MCCC1: variants seen among roughly 807,000 people sequenced by gnomAD.
MCCC1 encodes the protein methylcrotonoyl-CoA carboxylase subunit alpha, mitochondrial.
In MCCC1, 64 loss-of-function variants were observed where a neutral mutation model predicts 83.8. The observed-to-expected ratio is 0.76, with a 90% CI of 0.62 to 0.94. MCCC1 has a LOEUF of 0.94. MCCC1 is among the 40% of genes least tolerant of loss of function. MCCC1 has a pLI of 0.00. For synonymous variants in MCCC1, 322 were observed against 315.4 expected (o/e 1.02, Z -0.22); for missense variants, 807 against 904.7 (o/e 0.89, Z 1.39).
Position 183,093,735 on chromosome 3 carries a change from G to A in MCCC1, c.136+824C>T, listed in dbSNP as rs1165864880. 2.6e-5 allele frequency among the ~76,000 whole-genome samples: 4 copies of A among 152,290 alleles called. No homozygotes were observed. In the East Asian group the frequency reaches 7.7e-4, roughly 29 times the overall value. On this transcript the variant is annotated intron_variant, in intron 2 of 18. Coordinates refer to ENST00000265594, the MANE Select transcript of MCCC1 (RefSeq NM_020166.5). Reference sequence around the variant, plus strand: ...TCTATGGAGCCCAAGAGTTGTCACAGGGGCTGATGGATGACATATGTATGA... The same window carrying A: ...TCTATGGAGCCCAAGAGTTGTCACAAGGGCTGATGGATGACATATGTATGA...
chr3:183,082,989 T>TAA (rs533770378), intron 4 of MCCC1, among the ~76,000 whole-genome samples: 206 of 147,482 alleles, frequency 1.4e-3, no homozygotes, highest in African/African-American at 4.8e-3. Flanking sequence ...GACAACGTCT[T>TAA]AAAAAAAAAA....
chr3:183,026,576 G>A (rs149886657), intron 14 of MCCC1, among the ~76,000 whole-genome samples: 163 of 152,190 alleles, frequency 1.1e-3, no homozygotes, highest in Middle Eastern at 3.4e-3. Flanking sequence ...CAGGCATGGC[G>A]GCACGTGCCT....
intron 1 of MCCC1, among the ~76,000 whole-genome samples, chr3:183,097,651 C>A (rs1718838164): frequency 6.6e-6 from 1 of 152,150 alleles, no homozygotes; most frequent in South Asian, 2.1e-4. Context: ...CACCTTGGAT[C>A]CCACAGTGCT....
intron 5 of MCCC1, 145 bp downstream of exon 5, chr3:183,072,221 A>C: frequency 1.1e-6 from 1 of 930,308 alleles, no homozygotes; most frequent in Non-Finnish European, 1.6e-6. Context: ...TAAGTTGCCC[A>C]GGCTGGTCTT....
chr3:183,020,616 G>A (rs554152022), intron 16 of MCCC1, among the ~76,000 whole-genome samples: 1 of 151,842 alleles, frequency 6.6e-6, no homozygotes, highest in Non-Finnish European at 1.5e-5. Flanking sequence ...GGGTGACAGA[G>A]TGAGACTCTG....
At chr3:183,017,745 C>G (rs185336150) in intron 17 of MCCC1, 60 of 225,508 alleles carry the variant, frequency 2.7e-4, no homozygotes, top group African/African-American at 1.3e-3. Flanking sequence ...AGACCTACAG[C>G]CCAAATGTAC....
At chr3:183,045,214 G>A (rs1389461847) in intron 10 of MCCC1, among the ~76,000 whole-genome samples, 199 bp downstream of exon 10, 15 of 151,812 alleles carry the variant, frequency 9.9e-5, no homozygotes, top group African/African-American at 2.9e-4. Flanking sequence ...TGAGTACCGG[G>A]GACTACAGGC....
intron 4 of MCCC1, among the ~76,000 whole-genome samples, chr3:183,084,335 G>A (rs1015860200): frequency 6.6e-6 from 1 of 152,214 alleles, no homozygotes; most frequent in African/African-American, 2.4e-5. Flanking sequence ...TAAGATGAAG[G>A]TAATACTACC....
At chr3:183,078,008 T>C (rs1464587737) in intron 4 of MCCC1, among the ~76,000 whole-genome samples, 1 of 152,150 alleles carries the variant, frequency 6.6e-6, no homozygotes, top group East Asian at 1.9e-4. Context: ...CCACGCTGTT[T>C]TGGTTATTGT....
intron 8 of MCCC1, among the ~76,000 whole-genome samples, chr3:183,056,048 A>C (rs1454755030): frequency 6.6e-6 from 1 of 152,254 alleles, no homozygotes; most frequent in Non-Finnish European, 1.5e-5. Flanking sequence ...AGAAAGGTAC[A>C]TTAAAATAAA....
At chr3:183,113,146 C>A (rs1232130753) in intron 1 of MCCC1, among the ~76,000 whole-genome samples, 1 of 151,186 alleles carries the variant, frequency 6.6e-6, no homozygotes, top group Non-Finnish European at 1.5e-5. Flanking sequence ...ATCCCTTGAA[C>A]CCGGGAGGCA....
intron 1 of MCCC1, among the ~76,000 whole-genome samples, chr3:183,095,619 T>A (rs1718682968): frequency 6.6e-6 from 1 of 152,146 alleles, no homozygotes; most frequent in African/African-American, 2.4e-5. Flanking sequence ...TTATTCCTTG[T>A]AGGAAGGGTG....
At chr3:183,114,188 TGTAATA>T (rs1427763274) in intron 1 of MCCC1, among the ~76,000 whole-genome samples, 1 of 152,208 alleles carries the variant, frequency 6.6e-6, no homozygotes, top group Admixed American at 6.5e-5. Flanking sequence ...TCTATCACCT[TGTAATA>T]GTCTTAAAGC....
chr3:183,091,842 T>G (rs1024291689), intron 3 of MCCC1, among the ~76,000 whole-genome samples: 2 of 151,974 alleles, frequency 1.3e-5, no homozygotes, highest in African/African-American at 2.4e-5. Flanking sequence ...ATTGAGACCA[T>G]CCTGGCTAAC....
In MCCC1 at chr3:183,092,335, C is replaced by T. The variant is rs1718418093; in HGVS notation, c.273+74G>A. 6.9e-6 allele frequency: 11 copies of T among 1,583,198 alleles called. No homozygotes were observed. In the Admixed American group the frequency reaches 1.5e-4, roughly 22 times the overall value. ...GATAACACTAGCAAATATCAACTGT[C>T]ATCATAAAGAACGAAAATACTGACA... is the stretch of plus-strand genomic sequence containing the variant. On this transcript the variant is annotated intron_variant, in intron 3 of 18. Coordinates refer to ENST00000265594, the MANE Select transcript of MCCC1 (RefSeq NM_020166.5).
At chr3:183,108,609 A>T (rs1173502428) in intron 1 of MCCC1, among the ~76,000 whole-genome samples, 2 of 152,224 alleles carry the variant, frequency 1.3e-5, no homozygotes, top group Non-Finnish European at 2.9e-5. Context: ...CTTTAACAAG[A>T]AGTAATGTTT....
rs537827975 is a variant in MCCC1, at chr3:183,071,279, G to T, written c.570C>A (p.Cys190Ter). 1 of 1,614,174 alleles carries T rather than the reference G, an allele frequency of 6.2e-7. No homozygotes were observed. Among genetic ancestry groups the T allele is most frequent in the South Asian group, 1.1e-5 (1 of 91,082 alleles). The change falls in exon 6 of 19, where the codon TGC (cysteine) becomes TGA (stop). Residue 190 changes from cysteine (C) to a stop codon, truncating the protein, a stop_gained. Coordinates refer to ENST00000265594, the MANE Select transcript of MCCC1 (RefSeq NM_020166.5). LOFTEE classifies it high-confidence loss of function. ...GYHGEDQSDQ[C>*]LKEHARRIGY... ...CAATTCTCCTGGCGTGTTCCTTCAG[G>T]CACTGGTCTGATTGGTCCTCACCAT...
rs533855514 is a variant in MCCC1, at chr3:183,099,446, T to C, written c.-6A>G. 6.9e-6 allele frequency: 11 copies of C among 1,601,896 alleles called. No individual in the cohort carries two copies. In the East Asian group the frequency reaches 2.5e-4, roughly 36 times the overall value. ...ACCGCAGAGGCCGCCGCCATGTCCC[T>C]GGAGCCCGGCCACTCCGTGACTCCC... is the stretch of plus-strand genomic sequence containing the variant. On this transcript the variant is annotated 5_prime_UTR_variant, in exon 1 of 19. Coordinates refer to ENST00000265594, the MANE Select transcript of MCCC1 (RefSeq NM_020166.5).
At chr3:183,102,855 C>T (rs1324152442), upstream of MCCC1, among the ~76,000 whole-genome samples, 4 of 129,522 alleles carry the variant, frequency 3.1e-5, no homozygotes, top group East Asian at 1.0e-3. Context: ...GGCATGATCT[C>T]GGCTCACTGC....
Sources: allele counts gnomAD v4.1 joint callset (sites outside exome capture counted in the v4.1 genomes callset), GRCh38; gene constraint gnomAD v4.1.1; transcripts MANE v1.5; gene names NCBI Gene and HGNC (gene_info 2026-07-23, HGNC 2026-07-21).